The following P4HA1 variants were observed in gnomAD, a reference collection of about 807,000 sequenced individuals.
P4HA1 encodes the protein prolyl 4-hydroxylase subunit alpha 1.
In P4HA1, 24 loss-of-function variants were observed where a neutral mutation model predicts 72.8. That is an observed-to-expected ratio of 0.33 (90% CI 0.24 to 0.46). The LOEUF (loss-of-function observed/expected upper bound fraction) is 0.46. P4HA1 is among the 20% of genes least tolerant of loss of function. The probability of loss-of-function intolerance (pLI) is 1.00; values close to 1 mark genes in which losing one functional copy is unlikely to be tolerated. For missense variants in P4HA1, 446 were observed against 640.6 expected (o/e 0.70, Z 3.28); for synonymous variants, 201 against 218.8 (o/e 0.92, Z 0.72).
At chr10:73,069,502 CTA>C (rs1161975083) in intron 4 of P4HA1, among the ~76,000 whole-genome samples, 1 of 151,990 alleles carries the variant, frequency 6.6e-6, no homozygotes, top group East Asian at 1.9e-4. Context: ...GAGATATTAA[CTA>C]TATATTTAAG....
At chr10:73,077,205 ACTTCT>A (rs1422583394) in intron 1 of P4HA1, among the ~76,000 whole-genome samples, 1 of 152,256 alleles carries the variant, frequency 6.6e-6, no homozygotes, top group African/African-American at 2.4e-5. Context: ...GTTTAAACAT[ACTTCT>A]ATTCTAATTT....
At chr10:73,016,291 A>G (rs766939805) in intron 11 of P4HA1, among the ~76,000 whole-genome samples, 4 of 152,122 alleles carry the variant, frequency 2.6e-5, no homozygotes, top group Non-Finnish European at 4.4e-5. Context: ...TCCATCTACT[A>G]ACACCCACCC....
chr10:73,062,230 T>A (rs1163558913), intron 5 of P4HA1, among the ~76,000 whole-genome samples: 1 of 152,218 alleles, frequency 6.6e-6, no homozygotes, highest in Non-Finnish European at 1.5e-5. Flanking sequence ...GTTATTACCT[T>A]TATTTTTGTG....
chr10:73,017,932 T>A (rs1311571570), intron 10 of P4HA1, among the ~76,000 whole-genome samples: 2 of 152,188 alleles, frequency 1.3e-5, no homozygotes, highest in East Asian at 3.9e-4. Flanking sequence ...GTGCTGCTGA[T>A]GAAACCAGAA....
chr10:73,094,137 G>A (rs993619224), intron 1 of P4HA1, among the ~76,000 whole-genome samples: 2 of 151,704 alleles, frequency 1.3e-5, no homozygotes, highest in African/African-American at 4.8e-5. Context: ...ATAGGAGAGG[G>A]CATGCAATGT....
At position 73,040,481 on chromosome 10, in the gene P4HA1, T is replaced by A. The variant is rs190379087; in HGVS notation, c.1148+4500A>T. The stretch of plus-strand genomic sequence containing the variant: ...CCAAAACATCGAATTCATGAATTTT[T>A]TTTTTTTTTTTTTTGAGATGGATCT... On this transcript the variant is annotated intron_variant, in intron 9 of 14. Transcript: ENST00000394890. Among the ~76,000 whole-genome samples, 873 of 150,646 alleles carry A rather than the reference T, an allele frequency of 5.8e-3. 4 individuals carry two copies. The highest frequency in any genetic ancestry group is 9.1e-3 in the Non-Finnish European group (617 of 67,528).
chr10:73,096,547 G>A (rs904695513), intron 1 of P4HA1, among the ~76,000 whole-genome samples: 6 of 152,340 alleles, frequency 3.9e-5, no homozygotes, highest in Non-Finnish European at 5.9e-5. Flanking sequence ...GACAGAGGTG[G>A]GAAGGGGGGC....
intron 1 of P4HA1, among the ~76,000 whole-genome samples, chr10:73,095,123 C>CCA (rs1842133322): frequency 6.7e-6 from 1 of 149,846 alleles, no homozygotes; most frequent in African/African-American, 2.5e-5. Context: ...CCAAAACTGA[C>CCA]TATGAATTTT....
At chr10:73,037,557 ATATATATATATATATTTTT>A (rs1485419535) in intron 9 of P4HA1, among the ~76,000 whole-genome samples, 13 of 32,670 alleles carry the variant, frequency 4.0e-4, no homozygotes, top group East Asian at 3.5e-3. Flanking sequence ...ATATATATAT[ATATATATATATATATTTTT>A]TTTTTTTTTT....
rs1364136739 is a variant in P4HA1 at position 73,037,555 on chromosome 10, ATATATATATATATATATTTT to A, written c.1149-7205_1149-7186del. 5.8e-3 allele frequency among the ~76,000 whole-genome samples: 190 copies of A among 32,792 alleles called. 6 individuals are homozygous for A. Among genetic ancestry groups the A allele is most frequent in the African/African-American group, 0.022 (180 of 8,148 alleles). 21.5% of individuals were successfully genotyped at this position (32,792 alleles called of 152,430 possible). A position where few individuals can be genotyped will look rare whatever the true frequency, so the allele number is the denominator to read the frequency against. ...TATATATATATATATATATATATATATATATATATATATATATTTTTTTTTTTTTTTTTTTACAAAGGCAA... is the reference window on the plus strand; with the variant it reads ...TATATATATATATATATATATATATATTTTTTTTTTTTTTTACAAAGGCAA... On this transcript the variant is annotated intron_variant, in intron 9 of 14. Coordinates refer to ENST00000394890, the MANE Select transcript of P4HA1 (RefSeq NM_001017962.3).
chr10:73,067,727 CA>C (rs1373359165), intron 5 of P4HA1, among the ~76,000 whole-genome samples: 1 of 152,156 alleles, frequency 6.6e-6, no homozygotes, highest in Non-Finnish European at 1.5e-5. Context: ...CATTAGATCT[CA>C]ATTTTTTTAA....
chr10:73,073,598 TC>T (rs1841618589), intron 3 of P4HA1, 132 bp downstream of exon 3: 2 of 624,108 alleles, frequency 3.2e-6, no homozygotes, highest in Non-Finnish European at 5.7e-6. Context: ...TTCTCTATAC[TC>T]CTATTTTAGC....
At chr10:73,095,770 G>A (rs992956404) in intron 1 of P4HA1, among the ~76,000 whole-genome samples, 11 of 152,148 alleles carry the variant, frequency 7.2e-5, no homozygotes, top group African/African-American at 2.4e-4. Flanking sequence ...AGAAAACAGT[G>A]CAAAATTCCA....
chr10:73,064,240 G>A (rs192816904), intron 5 of P4HA1, among the ~76,000 whole-genome samples: 75 of 152,196 alleles, frequency 4.9e-4, no homozygotes, highest in African/African-American at 1.6e-3. Context: ...GCTGCGGGGT[G>A]CGGGGGGGTG....
chr10:73,090,112 G>C (rs1221795038), intron 1 of P4HA1, among the ~76,000 whole-genome samples: 5 of 151,804 alleles, frequency 3.3e-5, no homozygotes, highest in Non-Finnish European at 5.9e-5. Context: ...GGGATTACAG[G>C]TGTGAGCCAC....
intron 1 of P4HA1, among the ~76,000 whole-genome samples, chr10:73,079,479 C>T (rs1307342394): frequency 6.6e-6 from 1 of 151,146 alleles, no homozygotes; most frequent in Non-Finnish European, 1.5e-5. Context: ...CGGTGGCTCA[C>T]GCCTGTAATC....
At chr10:73,085,220 G>A (rs534783061) in intron 1 of P4HA1, among the ~76,000 whole-genome samples, 2 of 152,068 alleles carry the variant, frequency 1.3e-5, no homozygotes, top group South Asian at 4.2e-4. Flanking sequence ...TAGATATGAC[G>A]CCTAAAGCAC....
chr10:73,012,151 G>C (rs780468331), intron 12 of P4HA1, among the ~76,000 whole-genome samples: 10 of 151,998 alleles, frequency 6.6e-5, no homozygotes, highest in Non-Finnish European at 1.3e-4. Flanking sequence ...ACAGATAGTG[G>C]GCCAAATAAT....
At chr10:73,096,592 C>T (rs1185061933) in intron 1 of P4HA1, among the ~76,000 whole-genome samples, 174 bp downstream of exon 1, 3 of 152,122 alleles carry the variant, frequency 2.0e-5, no homozygotes, top group Non-Finnish European at 4.4e-5. Context: ...TCGCGTGGCG[C>T]AGGGAGAGGG....
Sources: gnomAD v4.1 joint callset for allele counts (sites outside exome capture counted in the v4.1 genomes callset) on GRCh38, gnomAD v4.1.1 for gene constraint, MANE v1.5 for transcripts, NCBI Gene and HGNC (gene_info 2026-07-23, HGNC 2026-07-21) for gene names.